The following CSNK1D variants were observed in gnomAD, a reference collection of about 807,000 sequenced individuals.
CSNK1D encodes casein kinase I isoform delta.
In CSNK1D, 16 loss-of-function variants were observed where a neutral mutation model predicts 46.6. The ratio of observed to expected loss-of-function variants is 0.34; its 90% confidence interval spans 0.23 to 0.52. The LOEUF (loss-of-function observed/expected upper bound fraction) is 0.52. CSNK1D is among the 20% of genes least tolerant of loss of function. The pLI is 0.95. For synonymous variants in CSNK1D, 276 were observed against 228.2 expected, an observed-to-expected ratio of 1.21 and a Z score of -1.89; for missense variants, 398 against 578.4, an observed-to-expected ratio of 0.69 and a Z score of 3.20.
Position 82,243,364 on chromosome 17 carries a change from G to A in CSNK1D, c.*1417C>T, listed in dbSNP as rs1047029536. The A allele has an allele frequency of 2.1e-5, 21 of 985,458 alleles. No homozygotes were observed. The highest frequency in any genetic ancestry group is 8.7e-5 in the African/African-American group (5 of 57,244). The allele number at this position is 985,458 out of a possible 1,614,324, so 61.0% of individuals were successfully genotyped here. A position where few individuals can be genotyped will look rare whatever the true frequency, so the allele number is the denominator to read the frequency against. On this transcript the variant is annotated 3_prime_UTR_variant, in exon 9 of 9. Transcript: ENST00000314028. ...TGCCCACGAACACAGACTGCCCTGCGCATTGGGGTTGGGAGCACATGGCCA... is the reference window on the plus strand; with the variant it reads ...TGCCCACGAACACAGACTGCCCTGCACATTGGGGTTGGGAGCACATGGCCA...
chr17:82,240,829 G>T (rs1276461036), downstream of CSNK1D, among the ~76,000 whole-genome samples: 1 of 152,160 alleles, frequency 6.6e-6, no homozygotes, highest in Non-Finnish European at 1.5e-5. Context: ...GCCGCAGGGT[G>T]GGCGTGAGTG....
Position 82,251,258 on chromosome 17 carries a change from C to T in CSNK1D, c.885+121G>A. 8.1e-7 allele frequency: 1 copy of T among 1,240,726 alleles called. No individual in the cohort carries two copies. The highest frequency in any genetic ancestry group is 1.3e-5 in the South Asian group (1 of 78,774). The allele number at this position is 1,240,726 out of a possible 1,614,324, so 76.9% of individuals were successfully genotyped here. ...AGGTCCTGCCCACTACACACTTGCC[C>T]TTCACAACCAGAGACACTCCCTATA... On this transcript the variant is annotated intron_variant, in intron 6 of 8. Transcript: ENST00000314028. This position sits in a 1 kb window ranked among gnomAD's most constrained non-coding sequence, Gnocchi z 4.5.
intron 2 of CSNK1D, among the ~76,000 whole-genome samples, chr17:82,263,710 C>T (rs1321371328): frequency 1.3e-5 from 2 of 152,242 alleles, no homozygotes; most frequent in Non-Finnish European, 2.9e-5. Flanking sequence ...AGACATCTCT[C>T]GTAAAAACTT....
chr17:82,254,704 T>G, intron 3 of CSNK1D: 1 of 120,862 alleles, frequency 8.3e-6, no homozygotes, highest in South Asian at 6.8e-5. Context: ...GCCAGTGAGC[T>G]GAGCCGCCGG....
downstream of CSNK1D, among the ~76,000 whole-genome samples, chr17:82,240,339 CGAG>C (rs906590409): frequency 6.6e-5 from 10 of 152,324 alleles, no homozygotes; most frequent in South Asian, 2.1e-4. Context: ...AGGGAGCAGA[CGAG>C]GAGGTGGGGA....
chr17:82,250,807 C>T lies in CSNK1D; in HGVS notation c.885+572G>A. The T allele has an allele frequency of 5.7e-6, 1 of 174,218 alleles. No individual in the cohort carries two copies. The highest frequency in any genetic ancestry group is 1.1e-4 in the South Asian group (1 of 9,048). The allele number at this position is 174,218 out of a possible 1,614,324, so 10.8% of individuals were successfully genotyped here. A position where few individuals can be genotyped will look rare whatever the true frequency, so the allele number is the denominator to read the frequency against. On this transcript the variant is annotated intron_variant, in intron 6 of 8. Transcript: ENST00000314028. The surrounding 1 kb of genome is among the most constrained non-coding windows in gnomAD (Gnocchi z 4.6). The stretch of plus-strand genomic sequence containing the variant: ...ACAGTAAGTTTTTAATGAAGGAACA[C>T]AACAGTTCCACAGGAGCTTCATTTC...
At chr17:82,258,250 A>G (rs1568572272) in intron 2 of CSNK1D, among the ~76,000 whole-genome samples, 5 of 150,794 alleles carry the variant, frequency 3.3e-5, no homozygotes, top group African/African-American at 1.2e-4. Flanking sequence ...ATATACATAT[A>G]TATGTGTATT....
chr17:82,269,068 G>A (rs937299077), intron 1 of CSNK1D, among the ~76,000 whole-genome samples: 1 of 142,100 alleles, frequency 7.0e-6, no homozygotes, highest in African/African-American at 2.6e-5. Context: ...CTGCACCCCA[G>A]CCTAGGCAAC....
chr17:82,271,008 T>C (rs1367584290), intron 1 of CSNK1D, among the ~76,000 whole-genome samples: 1 of 152,252 alleles, frequency 6.6e-6, no homozygotes, highest in Non-Finnish European at 1.5e-5. Context: ...TGTCTTAATC[T>C]ATCTTTGGAA....
At position 82,255,410 on chromosome 17, in the gene CSNK1D, G is replaced by A; in HGVS notation, c.336+19C>T. The A allele has an allele frequency of 1.9e-6, 3 of 1,614,060 alleles. No homozygotes were observed. The highest frequency in any genetic ancestry group is 2.7e-5 in the African/African-American group (2 of 75,050). On this transcript the variant is annotated intron_variant, in intron 3 of 8. Coordinates refer to ENST00000314028, the MANE Select transcript of CSNK1D (RefSeq NM_001893.6). This position sits in a 1 kb window ranked among gnomAD's most constrained non-coding sequence, Gnocchi z 5.9. Reference sequence around the variant, plus strand: ...ATCAGACAGCAAGTGTGTGCCAACTGTCAGGAAACAGTCCTTACCATTTGG... The same window carrying A: ...ATCAGACAGCAAGTGTGTGCCAACTATCAGGAAACAGTCCTTACCATTTGG...
chr17:82,245,844 G>T, intron 8 of CSNK1D: 1 of 914,202 alleles, frequency 1.1e-6, no homozygotes, highest in Non-Finnish European at 1.7e-6. Flanking sequence ...GAAGAACAGA[G>T]CAGAAGAAGC....
chr17:82,248,854 G>T lies in CSNK1D; in HGVS notation c.1197+21C>A. The T allele has an allele frequency of 3.1e-6, 5 of 1,604,430 alleles. No individual in the cohort carries two copies. Among genetic ancestry groups the T allele is most frequent in the Non-Finnish European group, 4.3e-6 (5 of 1,175,202 alleles). ...CGGGGTAGCCCGAGGCCCAGCGCCC[G>T]CCCGGGAGCTCTGCACCTACCTGTG... is the stretch of plus-strand genomic sequence containing the variant. On this transcript the variant is annotated intron_variant, in intron 8 of 8. Transcript: ENST00000314028. This position sits in a 1 kb window ranked among gnomAD's most constrained non-coding sequence, Gnocchi z 4.1.
intron 1 of CSNK1D, among the ~76,000 whole-genome samples, chr17:82,269,930 C>G (rs1214250288): frequency 6.6e-6 from 1 of 152,282 alleles, no homozygotes; most frequent in African/African-American, 2.4e-5. Context: ...CAGTGGTACT[C>G]TGCCAGCATA....
chr17:82,254,220 G>A (rs1364189013), intron 3 of CSNK1D: 8 of 287,256 alleles, frequency 2.8e-5, no homozygotes, highest in Non-Finnish European at 4.5e-5. Flanking sequence ...GAGCTGAGCC[G>A]CCGGAGCCTC....
At chr17:82,245,727 C>G (rs1403710359) in intron 8 of CSNK1D, 1 of 529,660 alleles carries the variant, frequency 1.9e-6, no homozygotes, top group Non-Finnish European at 3.4e-6. Flanking sequence ...ACGGGGAGGC[C>G]ACAGGCCAAC....
chr17:82,244,354 AAGAC>A lies in CSNK1D; in HGVS notation c.*423_*426del, dbSNP rs372979769. The A allele has an allele frequency of 1.7e-3, 1,912 of 1,108,962 alleles. 19 individuals carry two copies. In the South Asian group the frequency reaches 0.023, roughly 13 times the overall value. The allele number at this position is 1,108,962 out of a possible 1,614,324, so 68.7% of individuals were successfully genotyped here. On this transcript the variant is annotated 3_prime_UTR_variant, in exon 9 of 9. Coordinates refer to ENST00000314028, the MANE Select transcript of CSNK1D (RefSeq NM_001893.6). ...GCAAAAACAGACAAGAAACAATAAA[AAGAC>A]AGATTTTCTTTACACAGATTTAAGC...
At position 82,251,895 on chromosome 17, in the gene CSNK1D, G is replaced by C. The variant is rs2051020272; in HGVS notation, c.737-368C>G. 1 of 343,218 alleles carries C rather than the reference G, an allele frequency of 2.9e-6. No homozygotes were observed. The allele number at this position is 343,218 out of a possible 1,614,324, so 21.3% of individuals were successfully genotyped here. A position where few individuals can be genotyped will look rare whatever the true frequency, so the allele number is the denominator to read the frequency against. ...TGTAGTCCCAGCTACCGGGGAGGCT[G>C]ACGCAGGAGAATGGTATGAACCCGG... is the stretch of plus-strand genomic sequence containing the variant. On this transcript the variant is annotated intron_variant, in intron 5 of 8. Coordinates refer to ENST00000314028, the MANE Select transcript of CSNK1D (RefSeq NM_001893.6). This position sits in a 1 kb window ranked among gnomAD's most constrained non-coding sequence, Gnocchi z 4.5.
chr17:82,253,879 G>A (rs1421429036), intron 3 of CSNK1D: 2 of 250,862 alleles, frequency 8.0e-6, no homozygotes, highest in Non-Finnish European at 7.5e-6. Flanking sequence ...CCGGAGCCTC[G>A]TGAAGCCAGT....
rs897875453 is a variant in CSNK1D, at chr17:82,255,248, C to T, written c.336+181G>A. 58 of 744,428 alleles carry T rather than the reference C, an allele frequency of 7.8e-5. No homozygotes were observed. Among genetic ancestry groups the T allele is most frequent in the African/African-American group, 4.5e-4 (26 of 57,670 alleles). 46.1% of individuals were successfully genotyped at this position (744,428 alleles called of 1,614,324 possible). A position where few individuals can be genotyped will look rare whatever the true frequency, so the allele number is the denominator to read the frequency against. On this transcript the variant is annotated intron_variant, in intron 3 of 8. Coordinates refer to ENST00000314028, the MANE Select transcript of CSNK1D (RefSeq NM_001893.6). This position sits in a 1 kb window ranked among gnomAD's most constrained non-coding sequence, Gnocchi z 5.9. ...GCCGGAGCCTCGAGAAGCCAGTGAG[C>T]GGAGCCACCGGAGCCTCGAGAAGCC...
Sources: gnomAD v4.1 joint callset for allele counts (sites outside exome capture counted in the v4.1 genomes callset) on GRCh38, gnomAD v4.1.1 for gene constraint, Gnocchi (gnomAD v3.1) non-coding constraint, MANE v1.5 for transcripts, NCBI Gene and HGNC (gene_info 2026-07-23, HGNC 2026-07-21) for gene names.